The following NCKAP5 variants were observed in gnomAD, a reference collection of about 807,000 sequenced individuals.
The protein encoded by NCKAP5 is nck-associated protein 5.
In NCKAP5, 92 loss-of-function variants were observed where a neutral mutation model predicts 167.0. That is an observed-to-expected ratio of 0.55 (90% CI 0.47 to 0.66). The LOEUF is 0.66. Ranked by LOEUF, NCKAP5 falls within the 30% of genes least tolerant of loss-of-function variation. The pLI, the probability that NCKAP5 is intolerant of heterozygous loss-of-function variation, is 0.00. For synonymous variants in NCKAP5, 891 were observed against 877.4 expected, an observed-to-expected ratio of 1.02 and a Z score of -0.27; for missense variants, 2,378 against 2,315.0, an observed-to-expected ratio of 1.03 and a Z score of -0.56.
intron 4 of NCKAP5, among the ~76,000 whole-genome samples, chr2:133,292,673 G>C (rs1407636792): frequency 6.6e-6 from 1 of 152,114 alleles, no homozygotes; most frequent in Non-Finnish European, 1.5e-5. Context: ...TGGTACTTTT[G>C]GAGTGTTTCT....
rs148384959 is a variant in NCKAP5 at position 133,017,563 on chromosome 2, G to A, written c.342-23324C>T. On this transcript the variant is annotated intron_variant, in intron 6 of 19. Transcript: ENST00000409261. ...AATGGAAACATGGCTGAAGGTGCCC[G>A]ATTAGTAATGAAAAAACAATGGTAT... Among the ~76,000 whole-genome samples, 62 of 151,906 alleles carry A rather than the reference G, an allele frequency of 4.1e-4. 1 individual carries two copies. The highest frequency in any genetic ancestry group is 1.2e-3 in the African/African-American group (50 of 41,412).
intron 3 of NCKAP5, among the ~76,000 whole-genome samples, chr2:133,366,122 A>C (rs569259422): frequency 6.6e-6 from 1 of 152,214 alleles, no homozygotes; most frequent in Non-Finnish European, 1.5e-5. Context: ...TAGTTTTGTG[A>C]GCACATTTTT....
At chr2:133,484,535 A>AG (rs1341412188) in intron 3 of NCKAP5, among the ~76,000 whole-genome samples, 1 of 152,182 alleles carries the variant, frequency 6.6e-6, no homozygotes, top group African/African-American at 2.4e-5. Flanking sequence ...ATTAATCCTA[A>AG]TACAAGTTAA....
At chr2:133,174,983 G>T (rs952876542) in intron 5 of NCKAP5, among the ~76,000 whole-genome samples, 4 of 152,124 alleles carry the variant, frequency 2.6e-5, no homozygotes, top group African/African-American at 7.2e-5. Context: ...TTGCATTAAG[G>T]CCAGCAATGT....
At chr2:133,117,472 G>A (rs2082118460) in intron 6 of NCKAP5, 1 of 152,142 alleles carries the variant, frequency 6.6e-6, no homozygotes, top group Admixed American at 6.5e-5. Flanking sequence ...GCACTGAGAC[G>A]GTAACTACAG....
chr2:133,452,464 T>C (rs1250618954), intron 3 of NCKAP5, among the ~76,000 whole-genome samples: 1 of 152,178 alleles, frequency 6.6e-6, no homozygotes, highest in Non-Finnish European at 1.5e-5. Context: ...CTATGGCTGA[T>C]AATATGTAAT....
At chr2:133,385,602 G>A (rs1261589048) in intron 3 of NCKAP5, among the ~76,000 whole-genome samples, 1 of 152,148 alleles carries the variant, frequency 6.6e-6, no homozygotes, top group Admixed American at 6.5e-5. Context: ...CTATTGATTG[G>A]AATAGTTTCA....
intron 15 of NCKAP5, among the ~76,000 whole-genome samples, chr2:132,779,332 GT>G (rs1439194736): frequency 5.3e-5 from 8 of 152,274 alleles, no homozygotes; most frequent in Middle Eastern, 3.4e-3. Context: ...ACCCTAGGCT[GT>G]CAGGACCATA....
At chr2:133,232,190 A>G (rs2087183126) in intron 4 of NCKAP5, among the ~76,000 whole-genome samples, 1 of 152,208 alleles carries the variant, frequency 6.6e-6, no homozygotes, top group African/African-American at 2.4e-5. Flanking sequence ...CACAGAGCCA[A>G]GCATGGCAGT....
At chr2:133,007,643 A>AG (rs567074303) in intron 6 of NCKAP5, among the ~76,000 whole-genome samples, 149 of 152,214 alleles carry the variant, frequency 9.8e-4, no homozygotes, top group Non-Finnish European at 1.6e-3. Context: ...TTCCATGGGT[A>AG]GGGGGTCTAT....
At chr2:133,225,872 T>C (rs922376605) in intron 4 of NCKAP5, among the ~76,000 whole-genome samples, 1 of 140,816 alleles carries the variant, frequency 7.1e-6, no homozygotes, top group Non-Finnish European at 1.5e-5. Flanking sequence ...AACCTCTGAC[T>C]CCCGGGTTCA....
Position 132,782,879 on chromosome 2 carries a change from G to T in NCKAP5, c.3932C>A (p.Ser1311Tyr). 6.2e-7 allele frequency: 1 copy of T among 1,613,962 alleles called. No homozygotes were observed. The highest frequency in any genetic ancestry group is 8.5e-7 in the Non-Finnish European group (1 of 1,179,886). The change falls in exon 14 of 20, where the codon TCT (serine) becomes TAT (tyrosine). Residue 1311 changes from serine (S) to tyrosine (Y), a missense_variant. By Grantham distance (144) the Ser-to-Tyr change is moderately radical. Around this residue, in one of 3 missense-constraint regions of NCKAP5, gnomAD observed 1,325 missense variants for 1,274.5 expected, o/e 1.04. Transcript: ENST00000409261. ...IITNTAERGNSLTRQNSSTES... is the reference protein window; with the variant it reads ...IITNTAERGNYLTRQNSSTES... ...CGTGGAAGAGTTCTGCCGGGTAAGA[G>T]AATTGCCTCTCTCGGCGGTATTGGT...
intron 11 of NCKAP5, among the ~76,000 whole-genome samples, chr2:132,837,361 T>C (rs944786169): frequency 1.1e-4 from 16 of 152,176 alleles, no homozygotes; most frequent in African/African-American, 3.9e-4. Context: ...GGTATTACTA[T>C]TATTCTTATG....
chr2:133,064,797 A>ATC (rs776466374), intron 6 of NCKAP5, among the ~76,000 whole-genome samples: 2 of 152,112 alleles, frequency 1.3e-5, no homozygotes, highest in Non-Finnish European at 2.9e-5. Context: ...TTGCCATCTA[A>ATC]TCTCTCTCTC....
At chr2:133,307,517 A>G (rs1341535365) in intron 3 of NCKAP5, among the ~76,000 whole-genome samples, 1 of 152,208 alleles carries the variant, frequency 6.6e-6, no homozygotes, top group African/African-American at 2.4e-5. Context: ...GTGAAGAAAA[A>G]AAAGGGGGAC....
At chr2:133,143,528 T>G (rs2083077374) in intron 5 of NCKAP5, among the ~76,000 whole-genome samples, 1 of 152,142 alleles carries the variant, frequency 6.6e-6, no homozygotes, top group Non-Finnish European at 1.5e-5. Flanking sequence ...TGGCATTAAA[T>G]CTGAACTACA....
chr2:133,539,101 C>G (rs983088347), intron 2 of NCKAP5, among the ~76,000 whole-genome samples: 3 of 151,732 alleles, frequency 2.0e-5, no homozygotes, highest in Non-Finnish European at 2.9e-5. Flanking sequence ...CCACCACGCC[C>G]GGCTAATTTT....
chr2:133,280,736 G>T (rs78712294), intron 4 of NCKAP5, among the ~76,000 whole-genome samples: 17,188 of 152,160 alleles, frequency 0.11, 1,098 homozygotes, highest in South Asian at 0.15. Context: ...GCCAAACCTT[G>T]CCAGTTCTAT....
At chr2:132,690,847 T>C (rs1421119824) in intron 19 of NCKAP5, among the ~76,000 whole-genome samples, 5 of 152,170 alleles carry the variant, frequency 3.3e-5, no homozygotes, top group Non-Finnish European at 7.3e-5. Flanking sequence ...CACTTCTCCC[T>C]CACTGCTCTA....
Sources: gnomAD v4.1 joint callset for allele counts (sites outside exome capture counted in the v4.1 genomes callset) on GRCh38, gnomAD v4.1.1 for gene constraint, gnomAD v4.1.1 regional missense constraint, MANE v1.5 for transcripts, NCBI Gene and HGNC (gene_info 2026-07-23, HGNC 2026-07-21) for gene names.